The following DPH7 variants were observed in gnomAD, a reference collection of about 807,000 sequenced individuals.
The protein encoded by DPH7 is diphthamide biosynthesis 7, also known as diphthine methyltransferase.
DPH7 carries 44 observed loss-of-function variants against 41.7 expected under a neutral mutation model. That is an observed-to-expected ratio of 1.05 (90% CI 0.83 to 1.36). DPH7 has a LOEUF of 1.36. Among genes scored for constraint, DPH7 ranks in the 40% most tolerant of loss-of-function variants. The pLI, the probability that DPH7 is intolerant of heterozygous loss-of-function variation, is 0.00. For synonymous variants in DPH7, 275 were observed against 238.0 expected, an observed-to-expected ratio of 1.16 and a Z score of -1.43; for missense variants, 629 against 577.5, an observed-to-expected ratio of 1.09 and a Z score of -0.91.
intron 2 of DPH7, among the ~76,000 whole-genome samples, chr9:137,576,983 G>A (rs373056968): frequency 6.6e-6 from 1 of 151,688 alleles, no homozygotes; most frequent in Non-Finnish European, 1.5e-5. Flanking sequence ...GAGCCCAGGA[G>A]TTCAAGGCTG....
At chr9:137,573,083 G>A (rs895013611) in intron 5 of DPH7, among the ~76,000 whole-genome samples, 1 of 152,136 alleles carries the variant, frequency 6.6e-6, no homozygotes, top group Admixed American at 6.6e-5. Context: ...ATAAGTGGGC[G>A]GGGCAAGGTG....
chr9:137,563,354 A>C (rs1027697296), intron 8 of DPH7, among the ~76,000 whole-genome samples: 6 of 151,678 alleles, frequency 4.0e-5, no homozygotes, highest in African/African-American at 1.5e-4. Flanking sequence ...AACATGGTGA[A>C]CCCCCCATCT....
At chr9:137,568,864 G>A (rs1564442067) in intron 5 of DPH7, among the ~76,000 whole-genome samples, 1 of 152,130 alleles carries the variant, frequency 6.6e-6, no homozygotes, top group Non-Finnish European at 1.5e-5. Flanking sequence ...CCTTTGCTAA[G>A]GGCTCCAGTG....
chr9:137,555,521 G>A lies in DPH7; in HGVS notation c.1077C>T (p.Asn359=). ...QRAPSWSFPS[N]LGTKTADLKG... Reference sequence around the variant, plus strand: ...TCAGGTCTGCCGTCTTGGTTCCTAGGTTGCTAGGAAAGGACCACGAGGGGG... The same window carrying A: ...TCAGGTCTGCCGTCTTGGTTCCTAGATTGCTAGGAAAGGACCACGAGGGGG... Residue 359 remains asparagine, a synonymous_variant, in exon 9 of 9, where the codon AAC becomes AAT. Transcript: ENST00000277540. 2 of 1,614,074 alleles carry A rather than the reference G, an allele frequency of 1.2e-6. No individual in the cohort carries two copies. Among genetic ancestry groups the A allele is most frequent in the South Asian group, 1.1e-5 (1 of 91,082 alleles).
In DPH7 at chr9:137,558,671, T is replaced by A. The variant is rs761787504; in HGVS notation, c.950-3023A>T. Among the ~76,000 whole-genome samples the A allele has an allele frequency of 1.0e-3, 153 of 152,274 alleles. 1 individual carries two copies. The highest frequency in any genetic ancestry group is 1.1e-3 in the Non-Finnish European group (74 of 68,020). ...TTATAGAGGCTGGGGGAGGGATGTT[T>A]GGGGTGATAGAAAAGTTTTGAAAAT... On this transcript the variant is annotated intron_variant, in intron 8 of 8. Transcript: ENST00000277540.
In DPH7 at chr9:137,578,896, C is replaced by T. The variant is rs977258113; in HGVS notation, c.-119G>A. ...GGACGAGCGCAGAGCCCCAGGGACACCGTCAGCGCGGGCCGCCTCTCTCGC... is the reference window on the plus strand; with the variant it reads ...GGACGAGCGCAGAGCCCCAGGGACATCGTCAGCGCGGGCCGCCTCTCTCGC... On this transcript the variant is annotated 5_prime_UTR_variant, in exon 1 of 9. In the 5' UTR this introduces an upstream ATG that the reference lacks. Coordinates refer to ENST00000277540, the MANE Select transcript of DPH7 (RefSeq NM_138778.5). The T allele has an allele frequency of 1.8e-6, 2 of 1,105,858 alleles. No individual in the cohort carries two copies. Among genetic ancestry groups the T allele is most frequent in the African/African-American group, 3.3e-5 (2 of 61,224 alleles). The allele number at this position is 1,105,858 out of a possible 1,614,324, so 68.5% of individuals were successfully genotyped here.
At position 137,564,562 on chromosome 9, in the gene DPH7, T is replaced by C. The variant is rs758678040; in HGVS notation, c.821A>G (p.Gln274Arg). 3 of 1,613,928 alleles carry C rather than the reference T, an allele frequency of 1.9e-6. No homozygotes were observed. The highest frequency in any genetic ancestry group is 2.5e-6 in the Non-Finnish European group (3 of 1,179,810). Residue 274 changes from glutamine to arginine, a missense_variant, in exon 8 of 9, where the codon CAG becomes CGG. Coordinates refer to ENST00000277540, the MANE Select transcript of DPH7 (RefSeq NM_138778.5). ...ILLWDTRNMK[Q>R]PLADTPVQGG... ...CTGCACAGGCGTATCTGCCAACGGCTGCTTCATGTTTCGTGTGTCCCACAG... is the reference window on the plus strand; with the variant it reads ...CTGCACAGGCGTATCTGCCAACGGCCGCTTCATGTTTCGTGTGTCCCACAG...
intron 8 of DPH7, among the ~76,000 whole-genome samples, chr9:137,563,230 T>A (rs1426980606): frequency 6.6e-6 from 1 of 151,830 alleles, no homozygotes; most frequent in Non-Finnish European, 1.5e-5. Flanking sequence ...AAACTAAAGA[T>A]GCAAAACACA....
At chr9:137,575,270 C>T (rs1841182139) in intron 3 of DPH7, 1 of 994,944 alleles carries the variant, frequency 1.0e-6, no homozygotes, top group African/African-American at 1.7e-5. Context: ...CTGGTTTCCA[C>T]TTCAGAAGCC....
At position 137,556,638 on chromosome 9, in the gene DPH7, G is replaced by T; in HGVS notation, c.950-990C>A. ...GGAGGAGTGAGATGCTGAATGTTCA[G>T]AGACAGCCACAGGGGCCCTCGAGCA... On this transcript the variant is annotated intron_variant, in intron 8 of 8. Coordinates refer to ENST00000277540, the MANE Select transcript of DPH7 (RefSeq NM_138778.5). The surrounding 1 kb of genome is among the most constrained non-coding windows in gnomAD (Gnocchi z 5.2). 2 of 353,486 alleles carry T rather than the reference G, an allele frequency of 5.7e-6. No individual in the cohort carries two copies. The highest frequency in any genetic ancestry group is 4.2e-5 in the South Asian group (2 of 47,890). The allele number at this position is 353,486 out of a possible 1,614,324, so 21.9% of individuals were successfully genotyped here.
At position 137,560,106 on chromosome 9, in the gene DPH7, G is replaced by C. The variant is rs185504160; in HGVS notation, c.949+4328C>G. On this transcript the variant is annotated intron_variant, in intron 8 of 8. Coordinates refer to ENST00000277540, the MANE Select transcript of DPH7 (RefSeq NM_138778.5). ...CAGTGTGTGCCCAACAGACAATGCT[G>C]GAGTGTGTTTAAGAAACTCAAGCAA... is the stretch of plus-strand genomic sequence containing the variant. Among the ~76,000 whole-genome samples, 80 of 152,326 alleles carry C rather than the reference G, an allele frequency of 5.3e-4. 1 individual carries two copies. Among genetic ancestry groups the C allele is most frequent in the African/African-American group, 1.8e-3 (76 of 41,574 alleles).
Position 137,555,314 on chromosome 9 carries a change from G to C in DPH7, c.1284C>G (p.Asp428Glu), listed in dbSNP as rs1288162426. Residue 428 changes from aspartate (D) to glutamate (E), a missense_variant, in exon 9 of 9, where the codon GAC (aspartate) becomes GAG (glutamate). Transcript: ENST00000277540. ...RDCGVNPEEA[D>E]SAFSLLATCS... ...AGGTGGCCAGGAGGCTGAAGGCTGA[G>C]TCTGCTTCTTCTGGGTTCACGCCAC... is the stretch of plus-strand genomic sequence containing the variant. 1 of 1,613,690 alleles carries C rather than the reference G, an allele frequency of 6.2e-7. No homozygotes were observed. Among genetic ancestry groups the C allele is most frequent in the Admixed American group, 1.7e-5 (1 of 59,974 alleles).
At chr9:137,563,860 T>A (rs1467662081) in intron 8 of DPH7, among the ~76,000 whole-genome samples, 1 of 152,060 alleles carries the variant, frequency 6.6e-6, no homozygotes. Flanking sequence ...CAGTGGGGGA[T>A]TACTGCCTAG....
intron 8 of DPH7, among the ~76,000 whole-genome samples, chr9:137,561,035 A>AAAAAAG (rs1289224472): frequency 8.6e-5 from 7 of 81,142 alleles, no homozygotes; most frequent in Admixed American, 5.9e-4. Flanking sequence ...AAAAAAAAAA[A>AAAAAAG]AAAAAAGAAA....
chr9:137,571,436 T>C (rs1840414470), intron 5 of DPH7, among the ~76,000 whole-genome samples: 1 of 152,112 alleles, frequency 6.6e-6, no homozygotes, highest in African/African-American at 2.4e-5. Context: ...CCGCCCATCT[T>C]GGCCTCCTAA....
intron 8 of DPH7, among the ~76,000 whole-genome samples, chr9:137,562,598 A>C (rs1442731083): frequency 6.6e-6 from 1 of 152,222 alleles, no homozygotes; most frequent in African/African-American, 2.4e-5. Flanking sequence ...TAAAGAAAAA[A>C]GACCTCAAAT....
intron 3 of DPH7, chr9:137,575,289 C>T: frequency 3.0e-6 from 3 of 994,150 alleles, no homozygotes; most frequent in Non-Finnish European, 3.6e-6. Context: ...CCGCGAGCAG[C>T]CATGAGAACG....
Position 137,559,518 on chromosome 9 carries a change from C to T in DPH7, c.950-3870G>A, listed in dbSNP as rs980028350. 2.0e-5 allele frequency among the ~76,000 whole-genome samples: 3 copies of T among 152,236 alleles called. No individual in the cohort carries two copies. The South Asian group carries it at 6.2e-4, about 31-fold the overall frequency. On this transcript the variant is annotated intron_variant, in intron 8 of 8. Transcript: ENST00000277540. ...CGCAGTTATCCGGAGGCCTAACCGT[C>T]TCCCCGTGATGCTGTGCTTCAGTGG...
At chr9:137,561,036 A>AG (rs998634762) in intron 8 of DPH7, among the ~76,000 whole-genome samples, 6 of 150,460 alleles carry the variant, frequency 4.0e-5, no homozygotes, top group African/African-American at 1.2e-4. Flanking sequence ...AAAAAAAAAA[A>AG]AAAAAGAAAA....
Sources: gnomAD v4.1 joint callset for allele counts (sites outside exome capture counted in the v4.1 genomes callset) on GRCh38, gnomAD v4.1.1 for gene constraint, Gnocchi (gnomAD v3.1) non-coding constraint, MANE v1.5 for transcripts, NCBI Gene and HGNC (gene_info 2026-07-23, HGNC 2026-07-21) for gene names.